Variants in ERAP1 observed in about 807,000 individuals in gnomAD.
The protein encoded by ERAP1 is adipocyte-derived leucine aminopeptidase.
ERAP1 carries 86 observed loss-of-function variants against 103.7 expected under a neutral mutation model. The ratio of observed to expected loss-of-function variants is 0.83; its 90% CI spans 0.70 to 0.99. The LOEUF is 0.99. Among genes scored for constraint, ERAP1 ranks in the 50% least tolerant of loss-of-function variants. ERAP1 has a pLI of 0.00. For missense variants in ERAP1, 1,009 were observed against 1,128.4 expected (o/e 0.89, Z 1.52); for synonymous variants, 398 against 402.4 (o/e 0.99, Z 0.13).
At chr5:96,814,732 G>A in the ERAP1 span, among the ~76,000 whole-genome samples, 112 of 152,308 alleles carry the variant, frequency 7.4e-4, no homozygotes, top group African/African-American at 2.4e-3. Flanking sequence ...ACCAAGCCCC[G>A]ATAACTGGAT....
At chr5:96,814,886 G>A in the ERAP1 span, among the ~76,000 whole-genome samples, 1 of 152,174 alleles carries the variant, frequency 6.6e-6, no homozygotes, top group African/African-American at 2.4e-5. Flanking sequence ...CTAGGGGTCC[G>A]AGCAAGACCT....
chr5:96,812,726 C>T (rs895385192), upstream of ERAP1, among the ~76,000 whole-genome samples: 1 of 152,004 alleles, frequency 6.6e-6, no homozygotes, highest in Non-Finnish European at 1.5e-5. Context: ...AGCTATGATA[C>T]AAAGGAGAAA....
the ERAP1 span, chr5:96,883,841 C>T: frequency 6.2e-7 from 1 of 1,613,764 alleles, no homozygotes; most frequent in African/African-American, 1.3e-5. Context: ...CATGGCTTTC[C>T]CTTGCTTTGA....
chr5:96,896,582 C>T, the ERAP1 span: 773,609 of 1,509,816 alleles, frequency 0.51, 199,487 homozygotes, highest in Middle Eastern at 0.61. Flanking sequence ...GTTTAAGTCA[C>T]TGGTGCCAGT....
the ERAP1 span, among the ~76,000 whole-genome samples, chr5:96,931,219 T>C: frequency 1.1e-4 from 17 of 151,840 alleles, no homozygotes; most frequent in African/African-American, 4.1e-4. Context: ...TGCAGTGGTG[T>C]GATCTTGGCT....
At chr5:96,885,605 A>T in the ERAP1 span, among the ~76,000 whole-genome samples, 1 of 152,356 alleles carries the variant, frequency 6.6e-6, no homozygotes, top group African/African-American at 2.4e-5. Flanking sequence ...TCTCTTGCCA[A>T]AGCAAATCGT....
the ERAP1 span, chr5:96,912,649 T>C: frequency 6.2e-7 from 1 of 1,608,674 alleles, no homozygotes. Flanking sequence ...TACCAACAGA[T>C]GTTTTAAAGA....
At chr5:96,935,213 C>T in the ERAP1 span, 18 of 152,248 alleles carry the variant, frequency 1.2e-4, no homozygotes, top group Admixed American at 1.2e-3. Flanking sequence ...GGCCTTCTGC[C>T]CACATCCTGC....
At chr5:96,796,878 A>G (rs1777399558) in intron 4 of ERAP1, among the ~76,000 whole-genome samples, 1 of 152,180 alleles carries the variant, frequency 6.6e-6, no homozygotes, top group Non-Finnish European at 1.5e-5. Flanking sequence ...TTGAAGCCTC[A>G]AACTCCTGGG....
chr5:96,818,957 G>A, the ERAP1 span, among the ~76,000 whole-genome samples: 5 of 150,188 alleles, frequency 3.3e-5, no homozygotes, highest in Admixed American at 1.3e-4. Flanking sequence ...ACGGCGTCTC[G>A]CTCTGTCACC....
At chr5:96,822,955 G>A in the ERAP1 span, 1 of 433,904 alleles carries the variant, frequency 2.3e-6, no homozygotes, top group Non-Finnish European at 4.7e-6. Flanking sequence ...TGACTGGAGA[G>A]GGATCCACTT....
At chr5:96,825,650 G>A in the ERAP1 span, among the ~76,000 whole-genome samples, 2 of 152,116 alleles carry the variant, frequency 1.3e-5, no homozygotes, top group Non-Finnish European at 2.9e-5. Context: ...GATCTTATAT[G>A]TTACTCCCCA....
At chr5:96,838,549 GTAGA>G in the ERAP1 span, among the ~76,000 whole-genome samples, 1 of 151,984 alleles carries the variant, frequency 6.6e-6, no homozygotes, top group Non-Finnish European at 1.5e-5. Flanking sequence ...TCTTAAATTT[GTAGA>G]TAAAGTTGCC....
At chr5:96,847,999 G>GA in the ERAP1 span, among the ~76,000 whole-genome samples, 42 of 115,688 alleles carry the variant, frequency 3.6e-4, no homozygotes, top group Admixed American at 1.7e-3. Flanking sequence ...ATAGAGACTA[G>GA]AAAAACAAAA....
intron 18 of ERAP1, among the ~76,000 whole-genome samples, chr5:96,777,532 C>T (rs1449865937): frequency 6.6e-6 from 1 of 152,096 alleles, no homozygotes; most frequent in Non-Finnish European, 1.5e-5. Flanking sequence ...AATTATATGT[C>T]AATACAGTGC....
At chr5:96,815,663 C>T in the ERAP1 span, among the ~76,000 whole-genome samples, 2 of 152,096 alleles carry the variant, frequency 1.3e-5, no homozygotes, top group South Asian at 2.1e-4. Context: ...CCACCCACCT[C>T]GGCCTCCCAA....
rs1255661698 is a variant in ERAP1 at position 96,807,524 on chromosome 5, G to GT, written c.-18+335_-18+336insA. Among the ~76,000 whole-genome samples, 5 of 152,176 alleles carry GT rather than the reference G, an allele frequency of 3.3e-5. No homozygotes were observed. In the East Asian group the frequency reaches 9.7e-4, roughly 30 times the overall value. On this transcript the variant is annotated intron_variant, in intron 1 of 18. Coordinates refer to ENST00000443439, the MANE Select transcript of ERAP1 (RefSeq NM_001040458.3). ...AGGCTCCCGCCGGCCGAACAGCGGG[G>GT]AGACCCGTGAAGCAGGCGCACCGGC...
chr5:96,922,544 ACAAACAGGGCTTTCTAGCTGGCTGGGGG>A, the ERAP1 span, among the ~76,000 whole-genome samples: 1 of 152,344 alleles, frequency 6.6e-6, no homozygotes, highest in African/African-American at 2.4e-5. Context: ...TCGTAGAAGG[ACAAACAGGGCTTTCTAGCTGGCTGGGGG>A]CAAACAGGTA....
At chr5:96,802,474 G>C (rs1319429341) in intron 2 of ERAP1, among the ~76,000 whole-genome samples, 8 of 152,092 alleles carry the variant, frequency 5.3e-5, no homozygotes, top group Admixed American at 2.6e-4. Context: ...GGGGCTATGA[G>C]TGAAATAAAT....
Sources: allele counts gnomAD v4.1 joint callset (sites outside exome capture counted in the v4.1 genomes callset), GRCh38; gene constraint gnomAD v4.1.1; transcripts MANE v1.5; gene names NCBI Gene and HGNC (gene_info 2026-07-23, HGNC 2026-07-21).